The following SYT9 variants were observed in gnomAD, a reference collection of about 807,000 sequenced individuals.
SYT9 encodes the protein synaptotagmin-9.
In SYT9, 22 loss-of-function variants were observed where a neutral mutation model predicts 48.4. The observed-to-expected ratio is 0.45, with a 90% CI of 0.32 to 0.65. The LOEUF is 0.65. Ranked by LOEUF, SYT9 falls within the 30% of genes least tolerant of loss-of-function variation. SYT9 has a pLI of 0.03. For missense variants in SYT9, 577 were observed against 622.0 expected (o/e 0.93, Z 0.77); for synonymous variants, 265 against 245.0 (o/e 1.08, Z -0.76).
chr11:7,396,476 T>C (rs1057359214), intron 3 of SYT9, among the ~76,000 whole-genome samples: 10 of 152,182 alleles, frequency 6.6e-5, no homozygotes, highest in African/African-American at 2.4e-4. Flanking sequence ...TATGCCATTG[T>C]ATGAATATAC....
In SYT9 at chr11:7,313,681, A is replaced by G; in HGVS notation, c.784A>G (p.Ile262Val). The change falls in exon 3 of 7, where the codon ATC becomes GTC. Residue 262 changes from isoleucine (I) to valine (V), a missense_variant. Ile to Val is a conservative substitution (Grantham distance 29). Coordinates refer to ENST00000318881, the MANE Select transcript of SYT9 (RefSeq NM_175733.4). Reference sequence around the variant, plus strand: ...TGGGACTTCAGATCCTTATGTCAAGATCTATTTGCTTCCTGATCGGAAAAC... The same window carrying G: ...TGGGACTTCAGATCCTTATGTCAAGGTCTATTTGCTTCCTGATCGGAAAAC... ...FSGTSDPYVK[I>V]YLLPDRKTKH... 1 of 1,614,182 alleles carries G rather than the reference A, an allele frequency of 6.2e-7. No individual in the cohort carries two copies. Among genetic ancestry groups the G allele is most frequent in the South Asian group, 1.1e-5 (1 of 91,082 alleles).
rs199986156 is a variant in SYT9, at chr11:7,358,189, GTCT to G, written c.1044+44253_1044+44255del. On this transcript the variant is annotated intron_variant, in intron 3 of 6. Coordinates refer to ENST00000318881, the MANE Select transcript of SYT9 (RefSeq NM_175733.4). ...GTTTTATAGAGGGGTCATAATAATG[GTCT>G]TCTTAAAATCATAAGTTTTTTTAGA... is the stretch of plus-strand genomic sequence containing the variant. 6.9e-3 allele frequency among the ~76,000 whole-genome samples: 1,051 copies of G among 152,120 alleles called. 6 individuals are homozygous for G. The highest frequency in any genetic ancestry group is 0.023 in the African/African-American group (966 of 41,504).
In SYT9 at chr11:7,455,382, G is replaced by A. The variant is rs1470838273; in HGVS notation, c.1468-11410G>A. On this transcript the variant is annotated intron_variant, in intron 6 of 6. Coordinates refer to ENST00000318881, the MANE Select transcript of SYT9 (RefSeq NM_175733.4). ...AGATTCTTGCTCTGTCATCCAGGCTGGACTGCAGTGGCGCCATCTCGGCTC... is the reference window on the plus strand; with the variant it reads ...AGATTCTTGCTCTGTCATCCAGGCTAGACTGCAGTGGCGCCATCTCGGCTC... Among the ~76,000 whole-genome samples, 3 of 147,324 alleles carry A rather than the reference G, an allele frequency of 2.0e-5. No individual in the cohort carries two copies. The South Asian group carries it at 6.4e-4, about 31-fold the overall frequency.
chr11:7,268,181 C>A (rs1392612335), intron 1 of SYT9, among the ~76,000 whole-genome samples: 2 of 152,014 alleles, frequency 1.3e-5, no homozygotes, highest in East Asian at 3.9e-4. Flanking sequence ...GTTGTCATTG[C>A]AACAAAAGTT....
chr11:7,391,278 C>T (rs1846605852), intron 3 of SYT9, among the ~76,000 whole-genome samples: 1 of 151,996 alleles, frequency 6.6e-6, no homozygotes, highest in African/African-American at 2.4e-5. Flanking sequence ...CAAGTGCACC[C>T]CTCTTTTTGG....
chr11:7,333,410 G>C (rs1228547091), intron 3 of SYT9, among the ~76,000 whole-genome samples: 2 of 152,110 alleles, frequency 1.3e-5, no homozygotes, highest in Non-Finnish European at 2.9e-5. Context: ...TAAGGCCCTG[G>C]CTCTCTAACC....
chr11:7,264,699 A>G (rs369269434), intron 1 of SYT9, among the ~76,000 whole-genome samples: 29 of 152,242 alleles, frequency 1.9e-4, no homozygotes, highest in South Asian at 6.2e-4. Flanking sequence ...CGTCCAGGAC[A>G]TGATCATGAG....
intron 3 of SYT9, among the ~76,000 whole-genome samples, chr11:7,352,951 T>C (rs1849945617): frequency 6.6e-6 from 1 of 152,366 alleles, no homozygotes; most frequent in East Asian, 1.9e-4. Flanking sequence ...GTTATTTCTC[T>C]TTTGTATGTT....
chr11:7,246,824 C>A (rs1847798986), intron 1 of SYT9, among the ~76,000 whole-genome samples: 1 of 152,222 alleles, frequency 6.6e-6, no homozygotes, highest in African/African-American at 2.4e-5. Context: ...TTCGAGAGGT[C>A]CATGGCCTCA....
At chr11:7,386,851 A>G (rs1011721582) in intron 3 of SYT9, among the ~76,000 whole-genome samples, 4 of 152,218 alleles carry the variant, frequency 2.6e-5, no homozygotes, top group South Asian at 2.1e-4. Flanking sequence ...ATGTACACGT[A>G]TGTTTATTGC....
At chr11:7,329,529 G>A (rs968199507) in intron 3 of SYT9, among the ~76,000 whole-genome samples, 1 of 152,098 alleles carries the variant, frequency 6.6e-6, no homozygotes, top group Non-Finnish European at 1.5e-5. Flanking sequence ...CAAAAGGAAA[G>A]TGGCAAGGAA....
At chr11:7,371,806 T>C (rs983333003) in intron 3 of SYT9, among the ~76,000 whole-genome samples, 38 of 152,228 alleles carry the variant, frequency 2.5e-4, no homozygotes. Context: ...GATGTTCATC[T>C]ATGCTGTGAG....
chr11:7,382,263 T>C (rs1850579605), intron 3 of SYT9, among the ~76,000 whole-genome samples: 1 of 152,182 alleles, frequency 6.6e-6, no homozygotes, highest in Non-Finnish European at 1.5e-5. Context: ...GATGGTGGTA[T>C]CTTAAGATAG....
At chr11:7,286,580 T>A (rs1280760443) in intron 1 of SYT9, among the ~76,000 whole-genome samples, 1 of 152,246 alleles carries the variant, frequency 6.6e-6, no homozygotes, top group Non-Finnish European at 1.5e-5. Flanking sequence ...CAGCTTGAAT[T>A]TCTCCCCAGA....
At chr11:7,384,246 T>G (rs1183841879) in intron 3 of SYT9, among the ~76,000 whole-genome samples, 1 of 152,108 alleles carries the variant, frequency 6.6e-6, no homozygotes, top group Non-Finnish European at 1.5e-5. Flanking sequence ...CTCCCAGGAG[T>G]TGGTAATTTG....
chr11:7,310,603 C>T (rs560942983), intron 2 of SYT9, among the ~76,000 whole-genome samples: 274 of 152,042 alleles, frequency 1.8e-3, no homozygotes, highest in Middle Eastern at 3.4e-3. Flanking sequence ...CCTGCCACCA[C>T]GCCTGGCTAC....
At chr11:7,293,273 C>CA (rs942251215) in intron 1 of SYT9, among the ~76,000 whole-genome samples, 32 of 151,512 alleles carry the variant, frequency 2.1e-4, no homozygotes, top group African/African-American at 5.1e-4. Context: ...GTGTCAGTCA[C>CA]AAAAAAAAAT....
chr11:7,344,775 C>A (rs1849771156), intron 3 of SYT9, among the ~76,000 whole-genome samples: 1 of 152,122 alleles, frequency 6.6e-6, no homozygotes, highest in South Asian at 2.1e-4. Flanking sequence ...ATTTGTCTAG[C>A]TTTACTCCAA....
chr11:7,404,165 C>CT (rs1236209933), intron 3 of SYT9, among the ~76,000 whole-genome samples: 1 of 151,846 alleles, frequency 6.6e-6, no homozygotes, highest in Non-Finnish European at 1.5e-5. Context: ...AATTCTTTTA[C>CT]TTTTTATCTA....
Sources: allele counts gnomAD v4.1 joint callset (sites outside exome capture counted in the v4.1 genomes callset), GRCh38; gene constraint gnomAD v4.1.1; transcripts MANE v1.5; gene names NCBI Gene and HGNC (gene_info 2026-07-23, HGNC 2026-07-21).